CYGB: variants seen among roughly 807,000 people sequenced by gnomAD.
CYGB encodes cytoglobin, also known as histoglobin.
CYGB carries 13 observed loss-of-function variants against 20.7 expected under a neutral mutation model. That is an observed-to-expected ratio of 0.63 (90% CI 0.41 to 1.00). The LOEUF is 1.00. Ranked by LOEUF, CYGB falls within the 50% of genes least tolerant of loss-of-function variation. The pLI is 0.00. For missense variants in CYGB, 218 were observed against 257.2 expected, an observed-to-expected ratio of 0.85 and a Z score of 1.04; for synonymous variants, 93 against 107.4, an observed-to-expected ratio of 0.87 and a Z score of 0.83.
chr17:76,544,470 C>T (rs1382328059), intron 1 of CYGB: 1 of 455,504 alleles, frequency 2.2e-6, no homozygotes, highest in South Asian at 1.6e-5. Flanking sequence ...CCTCGGGGAG[C>T]CTGGCTGGGG....
chr17:76,543,198 ACCTG>A (rs2075012883), intron 1 of CYGB: 6 of 426,896 alleles, frequency 1.4e-5, no homozygotes, highest in South Asian at 1.0e-4. Flanking sequence ...CCTGAGCAGG[ACCTG>A]GCTGGGCCTG....
chr17:76,531,224 G>A lies in CYGB; in HGVS notation c.376-82C>T. 2 of 1,434,380 alleles carry A rather than the reference G, an allele frequency of 1.4e-6. No homozygotes were observed. Among genetic ancestry groups the A allele is most frequent in the Non-Finnish European group, 1.9e-6 (2 of 1,047,584 alleles). 88.9% of individuals were successfully genotyped at this position (1,434,380 alleles called of 1,614,324 possible). On this transcript the variant is annotated intron_variant, in intron 2 of 3. Transcript: ENST00000293230. The surrounding 1 kb of genome is among the most constrained non-coding windows in gnomAD (Gnocchi z 7.4). ...CCCCAGGCCCCTCCGCCCCACGTGT[G>A]GCCGAGAGGATCATTCCTAACGCAA...
chr17:76,539,271 G>A (rs1012692407), upstream of CYGB, among the ~76,000 whole-genome samples: 12 of 152,168 alleles, frequency 7.9e-5, no homozygotes, highest in African/African-American at 2.7e-4. Flanking sequence ...AGGTCCCCTT[G>A]GGATGTGGAA....
rs748209244 is a variant in CYGB at position 76,531,356 on chromosome 17, G to A, written c.375+104C>T. ...TGCCCCTCCCTCTCGCAGCCACTCC[G>A]GGGATCACCTCTGTTGCTCCAGAGA... On this transcript the variant is annotated intron_variant, in intron 2 of 3. Coordinates refer to ENST00000293230, the MANE Select transcript of CYGB (RefSeq NM_134268.5). This position sits in a 1 kb window ranked among gnomAD's most constrained non-coding sequence, Gnocchi z 7.4. The A allele has an allele frequency of 7.1e-6, 10 of 1,411,128 alleles. No individual in the cohort carries two copies. The highest frequency in any genetic ancestry group is 2.2e-4 in the Middle Eastern group (1 of 4,546). The allele number at this position is 1,411,128 out of a possible 1,614,324, so 87.4% of individuals were successfully genotyped here. A position where few individuals can be genotyped will look rare whatever the true frequency, so the allele number is the denominator to read the frequency against.
rs1395268982 is a variant in CYGB, at chr17:76,527,552, C to G, written c.*1026G>C. The G allele has an allele frequency of 2.3e-6, 1 of 443,994 alleles. No homozygotes were observed. The highest frequency in any genetic ancestry group is 4.6e-6 in the Non-Finnish European group (1 of 218,416). 27.5% of individuals were successfully genotyped at this position (443,994 alleles called of 1,614,324 possible). A position where few individuals can be genotyped will look rare whatever the true frequency, so the allele number is the denominator to read the frequency against. ...GACACACGTGACCAAGGGGCACACA[C>G]GGGGGGCCCCCCTGGCAAGCCTGAC... On this transcript the variant is annotated 3_prime_UTR_variant, in exon 4 of 4. Transcript: ENST00000293230.
At position 76,546,449 on chromosome 17, in the gene CYGB, TTTGTGTG is replaced by T. The variant is rs879545862; in HGVS notation, c.-53+4406_-53+4412del. 0.059 allele frequency: 853 copies of T among 14,442 alleles called. 4 individuals carry two copies. Among genetic ancestry groups the T allele is most frequent in the South Asian group, 0.23 (72 of 314 alleles). The allele number at this position is 14,442 out of a possible 1,614,324, so 0.9% of individuals were successfully genotyped here. A position where few individuals can be genotyped will look rare whatever the true frequency, so the allele number is the denominator to read the frequency against. Reference sequence around the variant, plus strand: ...AGTGTGCGGTTGTGTGTGTGTGTGGTTTGTGTGTGTGTGTGTGTGTGTGCGCGCAGTC... The same window carrying T: ...AGTGTGCGGTTGTGTGTGTGTGTGGTTGTGTGTGTGTGTGTGCGCGCAGTC... On this transcript the variant is annotated intron_variant, in intron 1 of 3. Transcript: ENST00000589145. This position sits in a 1 kb window ranked among gnomAD's most constrained non-coding sequence, Gnocchi z 4.5.
chr17:76,546,254 A>AAG lies in CYGB; in HGVS notation c.-53+4607_-53+4608insCT. 1 of 152,058 alleles carries AAG rather than the reference A, an allele frequency of 6.6e-6. No homozygotes were observed. The highest frequency in any genetic ancestry group is 2.1e-4 in the South Asian group (1 of 4,822). 9.4% of individuals were successfully genotyped at this position (152,058 alleles called of 1,614,324 possible). Reference sequence around the variant, plus strand: ...AGGAGCAGGGAGGTGCTGCTCCTGCAACTGAGGCTCAGAGCGGCTGCCAGT... The same window carrying AAG: ...AGGAGCAGGGAGGTGCTGCTCCTGCAAGACTGAGGCTCAGAGCGGCTGCCAGT... On this transcript the variant is annotated intron_variant, in intron 1 of 3. Transcript: ENST00000589145. This position sits in a 1 kb window ranked among gnomAD's most constrained non-coding sequence, Gnocchi z 4.5.
rs569713978 is a variant in CYGB, at chr17:76,530,677, C to G, written c.539+302G>C. 6.6e-6 allele frequency among the ~76,000 whole-genome samples: 1 copy of G among 152,340 alleles called. No individual in the cohort carries two copies. Among genetic ancestry groups the G allele is most frequent in the East Asian group, 1.9e-4 (1 of 5,180 alleles). ...ACCGCCAGGAGCCTCTGGCGCCTCT[C>G]TGCCTGGGCAGCTGTGGCTTTGGGT... On this transcript the variant is annotated intron_variant, in intron 3 of 3. Coordinates refer to ENST00000293230, the MANE Select transcript of CYGB (RefSeq NM_134268.5). This position sits in a 1 kb window ranked among gnomAD's most constrained non-coding sequence, Gnocchi z 6.1.
upstream of CYGB, chr17:76,538,143 C>A (rs1364754980): frequency 5.0e-5 from 8 of 160,596 alleles, no homozygotes; most frequent in East Asian, 1.3e-3. Flanking sequence ...GTCCAACACT[C>A]CCGAGCTTTC....
rs561667310 is a variant in CYGB at position 76,529,913 on chromosome 17, G to T, written c.539+1066C>A. On this transcript the variant is annotated intron_variant, in intron 3 of 3. Transcript: ENST00000293230. ...CTCTTGGGGTGGTGCTGACGGGAGA[G>T]GGGGGAGGGGAGCAGGAGCCAGCCC... 1.5e-5 allele frequency: 15 copies of T among 985,336 alleles called. No homozygotes were observed. In the East Asian group the frequency reaches 1.3e-3, roughly 82 times the overall value. The allele number at this position is 985,336 out of a possible 1,614,324, so 61.0% of individuals were successfully genotyped here. A position where few individuals can be genotyped will look rare whatever the true frequency, so the allele number is the denominator to read the frequency against.
Position 76,530,838 on chromosome 17 carries a change from T to G in CYGB, c.539+141A>C. ...CTTTCCTATTATGCCTGTTCTTACA[T>G]GTCAGACCCCAGGGTTGGCCTGCCT... is the stretch of plus-strand genomic sequence containing the variant. On this transcript the variant is annotated intron_variant, in intron 3 of 3. Coordinates refer to ENST00000293230, the MANE Select transcript of CYGB (RefSeq NM_134268.5). The surrounding 1 kb of genome is among the most constrained non-coding windows in gnomAD (Gnocchi z 6.1). 2 of 883,100 alleles carry G rather than the reference T, an allele frequency of 2.3e-6. No individual in the cohort carries two copies. Among genetic ancestry groups the G allele is most frequent in the Non-Finnish European group, 3.4e-6 (2 of 594,442 alleles). The allele number at this position is 883,100 out of a possible 1,614,324, so 54.7% of individuals were successfully genotyped here.
upstream of CYGB, chr17:76,540,660 T>C: frequency 1.5e-6 from 2 of 1,308,838 alleles, no homozygotes; most frequent in Non-Finnish European, 2.2e-6. This position sits in a 1 kb window ranked among gnomAD's most constrained non-coding sequence, Gnocchi z 5.0. Flanking sequence ...TGTGTGCCTG[T>C]GCGCGCCTGT....
chr17:76,529,630 C>A (rs1412809881), intron 3 of CYGB: 1 of 985,324 alleles, frequency 1.0e-6, no homozygotes, highest in African/African-American at 1.7e-5. Context: ...GGCAGCAGAG[C>A]CTGCGTGGGG....
intron 1 of CYGB, 135 bp downstream of exon 1, chr17:76,537,265 T>A (rs9914096): frequency 9.6e-7 from 1 of 1,042,074 alleles, no homozygotes; most frequent in Non-Finnish European, 1.3e-6. Flanking sequence ...CGCCGCCTGC[T>A]CCGCCGACCT....
intron 1 of CYGB, chr17:76,543,128 G>T (rs746835277): frequency 1.3e-5 from 6 of 470,574 alleles, no homozygotes; most frequent in South Asian, 6.2e-5. Context: ...GAAGGTAGAC[G>T]CCTCCCTCTC....
At chr17:76,544,045 G>T (rs1459619514) in intron 1 of CYGB, 8 of 454,664 alleles carry the variant, frequency 1.8e-5, no homozygotes, top group Non-Finnish European at 3.1e-5. Flanking sequence ...TGCCTCCTTT[G>T]CCCCCAGCTG....
chr17:76,534,138 CTTTCTCTT>C (rs1192003945), intron 1 of CYGB, among the ~76,000 whole-genome samples: 3 of 124,744 alleles, frequency 2.4e-5, no homozygotes, highest in African/African-American at 6.1e-5. Context: ...TTCTCTCTCT[CTTTCTCTT>C]TCTCTCTCTC....
At position 76,537,520 on chromosome 17, in the gene CYGB, A is replaced by T. The variant is rs1238340565; in HGVS notation, c.23T>A (p.Met8Lys). Residue 8 changes from methionine to lysine, a missense_variant, in exon 1 of 4, where the codon ATG becomes AAG. Coordinates refer to ENST00000293230, the MANE Select transcript of CYGB (RefSeq NM_134268.5). MEKVPGEMEIERRERSEE... is the reference protein window; with the variant it reads MEKVPGEKEIERRERSEE... ...GCTCCGCTCCCTGCGCTCGATCTCC[A>T]TCTCGCCTGGCACTTTCTCCATGAG... The T allele has an allele frequency of 6.4e-7, 1 of 1,570,168 alleles. No homozygotes were observed. The highest frequency in any genetic ancestry group is 2.5e-5 in the East Asian group (1 of 39,290).
At chr17:76,548,185 A>G (rs1278271868) in intron 1 of CYGB, among the ~76,000 whole-genome samples, 2 of 152,100 alleles carry the variant, frequency 1.3e-5, no homozygotes, top group East Asian at 3.8e-4. Flanking sequence ...ACACCGACAC[A>G]TACACATTTA....
Sources: allele counts gnomAD v4.1 joint callset (sites outside exome capture counted in the v4.1 genomes callset), GRCh38; gene constraint gnomAD v4.1.1; non-coding constraint Gnocchi (gnomAD v3.1); transcripts MANE v1.5; gene names NCBI Gene and HGNC (gene_info 2026-07-23, HGNC 2026-07-21).